The following BAIAP2L1 variants were observed in gnomAD, a reference collection of about 807,000 sequenced individuals.
BAIAP2L1 encodes BAR/IMD domain containing adaptor protein 2 like 1, also known as BAR/IMD domain-containing adapter protein 2-like 1.
Under a neutral mutation model 66.3 loss-of-function variants are expected in BAIAP2L1, and 35 were observed. That is an observed-to-expected ratio of 0.53 (90% CI 0.40 to 0.70). BAIAP2L1 has a LOEUF of 0.70. BAIAP2L1 is among the 30% of genes least tolerant of loss of function. The pLI, the probability that BAIAP2L1 is intolerant of heterozygous loss-of-function variation, is 0.00. For synonymous variants in BAIAP2L1, 269 were observed against 248.7 expected (o/e 1.08, Z -0.77); for missense variants, 622 against 656.9 (o/e 0.95, Z 0.58).
chr7:98,301,748 G>A (rs568623255), intron 12 of BAIAP2L1, among the ~76,000 whole-genome samples: 1 of 152,258 alleles, frequency 6.6e-6, no homozygotes, highest in Non-Finnish European at 1.5e-5. Flanking sequence ...TTTGGCAGGT[G>A]CGGCCTGTGG....
intron 12 of BAIAP2L1, 117 bp downstream of exon 12, chr7:98,304,079 G>A: frequency 8.9e-7 from 1 of 1,125,282 alleles, no homozygotes; most frequent in Non-Finnish European, 1.2e-6. Flanking sequence ...TCCTCCCCGG[G>A]GACACCACTC....
intron 12 of BAIAP2L1, among the ~76,000 whole-genome samples, chr7:98,303,627 T>C (rs918733233): frequency 8.5e-5 from 13 of 152,324 alleles, no homozygotes; most frequent in Non-Finnish European, 1.8e-4. Context: ...CACCAGGGCC[T>C]CTGTGCGGTG....
chr7:98,304,334 C>T lies in BAIAP2L1; in HGVS notation c.1284G>A (p.Glu428=), dbSNP rs752273587. The T allele has an allele frequency of 6.2e-7, 1 of 1,613,754 alleles. No individual in the cohort carries two copies. The highest frequency in any genetic ancestry group is 8.5e-7 in the Non-Finnish European group (1 of 1,179,818). Residue 428 remains glutamate, a synonymous_variant, in exon 12 of 14, where the codon GAG becomes GAA. Transcript: ENST00000005260. The part of the protein sequence containing the change: ...VRSISTVNLS[E]NSSVVIPPPD... The stretch of plus-strand genomic sequence containing the variant: ...GTGGGGGGATGACAACACTGCTATT[C>T]TCAGACAAGTTCACGGTGCTGATGC...
intron 11 of BAIAP2L1, among the ~76,000 whole-genome samples, chr7:98,306,076 A>C (rs1437309896): frequency 1.3e-5 from 2 of 152,160 alleles, no homozygotes; most frequent in Non-Finnish European, 2.9e-5. Flanking sequence ...AACATTCCAG[A>C]AAAAGCATAC....
Position 98,293,511 on chromosome 7 carries a change from G to A in BAIAP2L1, c.*10C>T. The stretch of plus-strand genomic sequence containing the variant: ...ACCGGAGAGGCCCGGGAGAGTCCTT[G>A]GCTGTCCTCTCATCGAATGATGGGT... On this transcript the variant is annotated 3_prime_UTR_variant, in exon 14 of 14. Transcript: ENST00000005260. 1 of 1,611,496 alleles carries A rather than the reference G, an allele frequency of 6.2e-7. No homozygotes were observed. The highest frequency in any genetic ancestry group is 8.5e-7 in the Non-Finnish European group (1 of 1,178,340).
chr7:98,297,808 C>T (rs1352511072), intron 12 of BAIAP2L1, among the ~76,000 whole-genome samples: 2 of 152,238 alleles, frequency 1.3e-5, no homozygotes, highest in African/African-American at 4.8e-5. Context: ...TCAGGAGGGG[C>T]TCACGCCACG....
At chr7:98,332,796 G>A (rs548091228) in intron 3 of BAIAP2L1, among the ~76,000 whole-genome samples, 13 of 125,882 alleles carry the variant, frequency 1.0e-4, no homozygotes, top group African/African-American at 3.5e-4. Context: ...GTTACAGAAT[G>A]AGACTTCGTC....
intron 3 of BAIAP2L1, among the ~76,000 whole-genome samples, chr7:98,338,443 C>T (rs986268148): frequency 6.8e-6 from 1 of 146,092 alleles, no homozygotes; most frequent in Admixed American, 6.8e-5. Flanking sequence ...AAAAAAAAGA[C>T]ATGCCGTTAA....
intron 1 of BAIAP2L1, among the ~76,000 whole-genome samples, chr7:98,383,404 C>A (rs565430475): frequency 1.3e-5 from 2 of 151,770 alleles, no homozygotes; most frequent in South Asian, 4.2e-4. Flanking sequence ...CTGCCTCAGC[C>A]TCCCGAGCAG....
At chr7:98,312,388 G>T in intron 7 of BAIAP2L1, 124 bp from the exon 8 acceptor site, 1 of 1,015,982 alleles carries the variant, frequency 9.8e-7, no homozygotes, top group Non-Finnish European at 1.4e-6. Flanking sequence ...GGGGGCCCTG[G>T]GTTAAACTCG....
intron 2 of BAIAP2L1, among the ~76,000 whole-genome samples, chr7:98,360,697 G>A (rs528161305): frequency 6.6e-6 from 1 of 152,224 alleles, no homozygotes; most frequent in Admixed American, 6.5e-5. Context: ...TCCTTCACAA[G>A]GACATCTAAA....
chr7:98,338,009 C>T (rs1469131868), intron 3 of BAIAP2L1, among the ~76,000 whole-genome samples: 4 of 152,096 alleles, frequency 2.6e-5, no homozygotes, highest in Admixed American at 6.6e-5. Context: ...ATTAGGATAC[C>T]CCATATTGGC....
intron 3 of BAIAP2L1, among the ~76,000 whole-genome samples, chr7:98,325,203 T>G (rs1039662095): frequency 2.7e-5 from 4 of 146,490 alleles, no homozygotes; most frequent in East Asian, 2.1e-4. Flanking sequence ...GCCAATATGG[T>G]GAAACCCTGT....
At position 98,307,869 on chromosome 7, in the gene BAIAP2L1, C is replaced by A. The variant is rs776775180; in HGVS notation, c.983G>T (p.Arg328Leu). Residue 328 changes from arginine to leucine, a missense_variant, in exon 10 of 14, where the codon CGA (arginine) becomes CTA (leucine). Physicochemically the swap from Arg to Leu is moderately radical, Grantham distance 102. Coordinates refer to ENST00000005260, the MANE Select transcript of BAIAP2L1 (RefSeq NM_018842.5). The part of the protein sequence containing the change: ...TGTSEDPSLQ[R>L]SVSVATGLNM... The stretch of plus-strand genomic sequence containing the variant: ...CAGTCCCGTTGCAACCGAAACTGAT[C>A]GCTGTAAACTGGGATCTTCGGAAGT... 6.2e-7 allele frequency: 1 copy of A among 1,614,220 alleles called. No individual in the cohort carries two copies. The highest frequency in any genetic ancestry group is 1.1e-5 in the South Asian group (1 of 91,076).
In BAIAP2L1 at chr7:98,335,169, A is replaced by C. The variant is rs998124043; in HGVS notation, c.215-14871T>G. 8.1e-4 allele frequency among the ~76,000 whole-genome samples: 120 copies of C among 148,702 alleles called. 1 individual carries two copies. The highest frequency in any genetic ancestry group is 2.9e-3 in the African/African-American group (118 of 40,928). ...CTCCATCTCAAAAAAAAAAAAAAAAAAAAAAAAAAATTTATCTCCCATGAT... is the reference window on the plus strand; with the variant it reads ...CTCCATCTCAAAAAAAAAAAAAAAACAAAAAAAAAATTTATCTCCCATGAT... On this transcript the variant is annotated intron_variant, in intron 3 of 13. Transcript: ENST00000005260.
chr7:98,370,327 T>C (rs976708281), intron 1 of BAIAP2L1, among the ~76,000 whole-genome samples: 1 of 147,212 alleles, frequency 6.8e-6, no homozygotes, highest in Admixed American at 6.9e-5. Context: ...TGAGCTGAGA[T>C]TGCGCCACTG....
intron 1 of BAIAP2L1, among the ~76,000 whole-genome samples, chr7:98,389,955 G>T (rs1334645507): frequency 7.7e-6 from 1 of 130,568 alleles, no homozygotes. Flanking sequence ...TCGCACTGTC[G>T]CCCAGGCTGG....
At chr7:98,385,084 G>T (rs1050144613) in intron 1 of BAIAP2L1, among the ~76,000 whole-genome samples, 1 of 152,046 alleles carries the variant, frequency 6.6e-6, no homozygotes, top group African/African-American at 2.4e-5. Context: ...GAAGTGGGCA[G>T]ATCACTTGAG....
At chr7:98,334,201 T>C (rs1173591295) in intron 3 of BAIAP2L1, among the ~76,000 whole-genome samples, 1 of 152,240 alleles carries the variant, frequency 6.6e-6, no homozygotes, top group East Asian at 1.9e-4. Context: ...GGTAACAAAT[T>C]TCTATAGTTA....
Sources: allele counts gnomAD v4.1 joint callset (sites outside exome capture counted in the v4.1 genomes callset), GRCh38; gene constraint gnomAD v4.1.1; transcripts MANE v1.5; gene names NCBI Gene and HGNC (gene_info 2026-07-23, HGNC 2026-07-21).